The following MGLL variants were observed in gnomAD, a reference collection of about 807,000 sequenced individuals.
MGLL encodes monoglyceride lipase.
A neutral mutation model predicts 29.1 loss-of-function variants in MGLL; 7 were observed. The observed-to-expected ratio is 0.24, with a 90% confidence interval of 0.14 to 0.45. The LOEUF (loss-of-function observed/expected upper bound fraction) is 0.45, where lower values mean the gene tolerates loss of function less well. MGLL is among the 20% of genes least tolerant of loss of function. The pLI, the probability that MGLL is intolerant of heterozygous loss-of-function variation, is 0.99. For missense variants in MGLL, 356 were observed against 413.6 expected, an observed-to-expected ratio of 0.86 and a Z score of 1.21; for synonymous variants, 148 against 168.3, an observed-to-expected ratio of 0.88 and a Z score of 0.93.
intron 3 of MGLL, among the ~76,000 whole-genome samples, chr3:127,740,740 C>A (rs917277684): frequency 6.6e-6 from 1 of 152,186 alleles, no homozygotes; most frequent in Admixed American, 6.5e-5. Flanking sequence ...AAGGAAAGCT[C>A]CCCACACTGA....
chr3:127,794,672 A>G (rs776360601), intron 2 of MGLL, among the ~76,000 whole-genome samples: 1 of 152,066 alleles, frequency 6.6e-6, no homozygotes, highest in Admixed American at 6.5e-5. Context: ...ATGTCAAACT[A>G]TCTTCCACGA....
intron 3 of MGLL, among the ~76,000 whole-genome samples, chr3:127,751,221 T>C (rs2076552038): frequency 1.3e-5 from 2 of 152,072 alleles, no homozygotes; most frequent in African/African-American, 4.8e-5. Context: ...ACTGCAAAAA[T>C]GGCTTCAACT....
intron 3 of MGLL, among the ~76,000 whole-genome samples, chr3:127,764,599 C>T (rs779905156): frequency 1.2e-4 from 18 of 152,088 alleles, no homozygotes; most frequent in Non-Finnish European, 2.2e-4. Context: ...TTCAAGGCAA[C>T]GTCTGAAAAG....
intron 3 of MGLL, among the ~76,000 whole-genome samples, chr3:127,745,881 G>A (rs1253195512): frequency 3.3e-5 from 5 of 152,128 alleles, no homozygotes; most frequent in Non-Finnish European, 5.9e-5. Context: ...GCACAGGGGC[G>A]GGGCATGGAA....
At chr3:127,734,183 G>T (rs185072651) in intron 3 of MGLL, among the ~76,000 whole-genome samples, 1 of 152,180 alleles carries the variant, frequency 6.6e-6, no homozygotes, top group African/African-American at 2.4e-5. Flanking sequence ...TACCTTGACC[G>T]GGTCTCACTT....
intron 1 of MGLL, 118 bp from the exon 2 acceptor site, chr3:127,821,956 C>G: frequency 1.7e-6 from 2 of 1,143,180 alleles, no homozygotes; most frequent in Non-Finnish European, 2.5e-6. Context: ...TAAAAAACCC[C>G]TCTGTTTCAA....
At chr3:127,781,921 T>A (rs1026683302) in intron 2 of MGLL, 26 bp from the exon 3 acceptor site, 2 of 1,610,930 alleles carry the variant, frequency 1.2e-6, no homozygotes, top group East Asian at 4.5e-5. Flanking sequence ...GGGAGCCTGG[T>A]TAGGAAAGCC....
chr3:127,722,233 C>T (rs2075940569), intron 4 of MGLL, among the ~76,000 whole-genome samples, 197 bp downstream of exon 4: 1 of 152,258 alleles, frequency 6.6e-6, no homozygotes, highest in Non-Finnish European at 1.5e-5. Flanking sequence ...TCAAGCTGCT[C>T]ACTAAGGACC....
At chr3:127,727,187 A>C (rs919444977) in intron 3 of MGLL, among the ~76,000 whole-genome samples, 2 of 152,168 alleles carry the variant, frequency 1.3e-5, no homozygotes, top group Admixed American at 6.5e-5. Context: ...GGCTCACCTT[A>C]TAATTTCCTT....
rs752321591 is a variant in MGLL at position 127,821,677 on chromosome 3, T to G, written c.155+17A>C. 271 of 1,613,658 alleles carry G rather than the reference T, an allele frequency of 1.7e-4. No homozygotes were observed. The highest frequency in any genetic ancestry group is 2.3e-4 in the Non-Finnish European group (266 of 1,179,750). Reference sequence around the variant, plus strand: ...TGCTCCCCTGTCACCTGGGGTGACTTTCTGGGGAAGACTTACTTGGGTGTG... The same window carrying G: ...TGCTCCCCTGTCACCTGGGGTGACTGTCTGGGGAAGACTTACTTGGGTGTG... On this transcript the variant is annotated intron_variant, in intron 2 of 7. Coordinates refer to ENST00000265052, the MANE Select transcript of MGLL (RefSeq NM_007283.7).
intron 2 of MGLL, among the ~76,000 whole-genome samples, chr3:127,812,753 C>G (rs1413193527): frequency 6.6e-6 from 1 of 152,196 alleles, no homozygotes; most frequent in Non-Finnish European, 1.5e-5. Context: ...TCTCTCTTAC[C>G]TGCACCAGCC....
chr3:127,767,556 C>A (rs182849523), intron 3 of MGLL, among the ~76,000 whole-genome samples: 7 of 152,172 alleles, frequency 4.6e-5, no homozygotes, highest in Admixed American at 1.3e-4. Flanking sequence ...GGTAGGCACT[C>A]GATGAATCTT....
chr3:127,795,878 C>T (rs2077374840), intron 2 of MGLL, among the ~76,000 whole-genome samples: 2 of 152,166 alleles, frequency 1.3e-5, no homozygotes, highest in African/African-American at 4.8e-5. Flanking sequence ...TCTTATCACC[C>T]AGTGATAACA....
chr3:127,797,565 C>A (rs918227145), intron 2 of MGLL, among the ~76,000 whole-genome samples: 5 of 152,184 alleles, frequency 3.3e-5, no homozygotes, highest in African/African-American at 4.8e-5. Flanking sequence ...CGGAATGTCA[C>A]TAGACTCCTC....
chr3:127,819,438 A>G (rs2107762932), intron 2 of MGLL, among the ~76,000 whole-genome samples: 1 of 152,322 alleles, frequency 6.6e-6, no homozygotes, highest in South Asian at 2.1e-4. Context: ...AAGATAGCAG[A>G]GGCGGGGCTG....
chr3:127,815,456 T>C (rs79119160), intron 2 of MGLL, among the ~76,000 whole-genome samples: 4,122 of 152,350 alleles, frequency 0.027, 139 homozygotes, highest in East Asian at 0.089. Context: ...GTACAGTCCA[T>C]GTTCATCTCT....
intron 2 of MGLL, among the ~76,000 whole-genome samples, chr3:127,818,120 C>T (rs1276304038): frequency 6.6e-6 from 1 of 152,218 alleles, no homozygotes; most frequent in Non-Finnish European, 1.5e-5. Context: ...GCCACCACAC[C>T]CCGGTAATTT....
chr3:127,795,950 G>A (rs62270468), intron 2 of MGLL, among the ~76,000 whole-genome samples: 4,269 of 152,164 alleles, frequency 0.028, 108 homozygotes, highest in Middle Eastern at 0.044. Flanking sequence ...AAATTTGTTC[G>A]TAATTATTTA....
At chr3:127,789,113 T>G (rs961030617) in intron 2 of MGLL, among the ~76,000 whole-genome samples, 3 of 145,674 alleles carry the variant, frequency 2.1e-5, no homozygotes, top group South Asian at 2.2e-4. Flanking sequence ...TCAAAAGGGG[T>G]GGGGGGATGT....
Sources: gnomAD v4.1 joint callset for allele counts (sites outside exome capture counted in the v4.1 genomes callset) on GRCh38, gnomAD v4.1.1 for gene constraint, MANE v1.5 for transcripts, NCBI Gene and HGNC (gene_info 2026-07-23, HGNC 2026-07-21) for gene names.